Variants in MET observed in about 807,000 individuals in gnomAD.
MET encodes the protein hepatocyte growth factor receptor.
Under a neutral mutation model 133.1 loss-of-function variants are expected in MET, and 48 were observed. The ratio of observed to expected loss-of-function variants is 0.36; its 90% CI spans 0.29 to 0.46. The LOEUF (loss-of-function observed/expected upper bound fraction) is 0.46. Ranked by LOEUF, MET falls within the 20% of genes least tolerant of loss-of-function variation. The pLI is 1.00. For missense variants in MET, 1,442 were observed against 1,695.9 expected (o/e 0.85, Z 2.63); for synonymous variants, 628 against 616.5 (o/e 1.02, Z -0.28).
intron 12 of MET, 101 bp downstream of exon 12, chr7:116,769,892 G>A (rs1180648118): frequency 1.9e-6 from 3 of 1,544,542 alleles, no homozygotes; most frequent in Non-Finnish European, 1.8e-6. Context: ...TTATGTGTGG[G>A]TTTTGGCTCA....
intron 2 of MET, among the ~76,000 whole-genome samples, chr7:116,718,754 G>A (rs1792347818): frequency 6.8e-6 from 1 of 147,960 alleles, no homozygotes; most frequent in South Asian, 2.2e-4. Context: ...TTGGTTTTTT[G>A]TTCTTGCAAT....
At chr7:116,741,194 C>G in intron 5 of MET, 169 bp downstream of exon 5, 2 of 772,522 alleles carry the variant, frequency 2.6e-6, no homozygotes, top group Non-Finnish European at 4.1e-6. Flanking sequence ...AGCACCATCT[C>G]TCTCTTGGCT....
At chr7:116,708,307 A>C in intron 2 of MET, among the ~76,000 whole-genome samples, 1 of 152,192 alleles carries the variant, frequency 6.6e-6, no homozygotes, top group East Asian at 1.9e-4. Flanking sequence ...TTAAAAAAGC[A>C]ATACGTCTTT....
chr7:116,790,640 G>A (rs1430720632), intron 19 of MET, among the ~76,000 whole-genome samples: 1 of 152,110 alleles, frequency 6.6e-6, no homozygotes, highest in African/African-American at 2.4e-5. Flanking sequence ...AGACAGGATT[G>A]CTGGATCATA....
At chr7:116,744,449 T>C (rs1793585584) in intron 5 of MET, among the ~76,000 whole-genome samples, 1 of 152,124 alleles carries the variant, frequency 6.6e-6, no homozygotes, top group Admixed American at 6.5e-5. Context: ...AGAGATTGAA[T>C]ATCAACTTAA....
At chr7:116,723,436 C>T (rs39750) in intron 2 of MET, among the ~76,000 whole-genome samples, 52,537 of 151,408 alleles carry the variant, frequency 0.35, 10,891 homozygotes, top group East Asian at 0.46. Flanking sequence ...AATGTCCTCC[C>T]GTAGCTCAGA....
At chr7:116,775,312 T>G (rs1045066002) in intron 15 of MET, among the ~76,000 whole-genome samples, 4 of 152,198 alleles carry the variant, frequency 2.6e-5, no homozygotes, top group Admixed American at 2.6e-4. Context: ...TGGAAGCAAT[T>G]GGATAATCCC....
In MET at chr7:116,729,393, A is replaced by G. The variant is rs572566741; in HGVS notation, c.1201-2275A>G. Among the ~76,000 whole-genome samples, 8 of 152,344 alleles carry G rather than the reference A, an allele frequency of 5.3e-5. No homozygotes were observed. The East Asian group carries it at 1.5e-3, about 29-fold the overall frequency. On this transcript the variant is annotated intron_variant, in intron 2 of 20. Transcript: ENST00000397752. ...AGCATTTTAGGTGGTTTTTAATCAT[A>G]AAAGTCAGTAGATGTAAAAACTCTG...
At chr7:116,699,000 G>A (rs1797061251) in intron 1 of MET, 71 bp from the exon 2 acceptor site, 1 of 1,601,048 alleles carries the variant, frequency 6.2e-7, no homozygotes, top group Non-Finnish European at 8.5e-7. Context: ...TAGATTAAAT[G>A]GTATAGGTCT....
intron 2 of MET, among the ~76,000 whole-genome samples, chr7:116,713,420 G>A (rs563800150): frequency 5.3e-5 from 8 of 151,512 alleles, no homozygotes; most frequent in African/African-American, 1.9e-4. Flanking sequence ...AGGAAAAGAA[G>A]TTAAGGGCAA....
At chr7:116,678,668 A>G (rs1313241609) in intron 1 of MET, among the ~76,000 whole-genome samples, 1 of 152,216 alleles carries the variant, frequency 6.6e-6, no homozygotes, top group Non-Finnish European at 1.5e-5. Context: ...GTTTGGGTCC[A>G]TAAGACAATT....
intron 19 of MET, among the ~76,000 whole-genome samples, chr7:116,786,236 T>C (rs1038057921): frequency 6.6e-6 from 1 of 152,206 alleles, no homozygotes; most frequent in African/African-American, 2.4e-5. Context: ...AATCCCAGCA[T>C]GAATGCCCAC....
chr7:116,695,056 T>C (rs1387855378), intron 1 of MET, among the ~76,000 whole-genome samples: 1 of 152,212 alleles, frequency 6.6e-6, no homozygotes, highest in Non-Finnish European at 1.5e-5. Flanking sequence ...TGCAAATTGG[T>C]TACAATATTT....
intron 5 of MET, among the ~76,000 whole-genome samples, chr7:116,745,386 A>G (rs1209154203): frequency 6.6e-6 from 1 of 152,226 alleles, no homozygotes; most frequent in Admixed American, 6.5e-5. Context: ...TGCCATCCCC[A>G]TCAAGCTACC....
In MET at chr7:116,763,058, A is replaced by T. The variant is rs760294359; in HGVS notation, c.2373A>T (p.Gln791His). 1 of 1,613,900 alleles carries T rather than the reference A, an allele frequency of 6.2e-7. No individual in the cohort carries two copies. Among genetic ancestry groups the T allele is most frequent in the Non-Finnish European group, 8.5e-7 (1 of 1,179,826 alleles). ...ATTGTGTCTTTCTCTAGGCATGTCAACATCGCTCTAATTCAGAGATAATCT... is the reference window on the plus strand; with the variant it reads ...ATTGTGTCTTTCTCTAGGCATGTCATCATCGCTCTAATTCAGAGATAATCT... ...EAGRNFTVACQHRSNSEIICC... is the reference protein window; with the variant it reads ...EAGRNFTVACHHRSNSEIICC... The change falls in exon 11 of 21, where the codon CAA (glutamine) becomes CAT (histidine). Residue 791 changes from glutamine to histidine, a missense_variant. Coordinates refer to ENST00000397752, the MANE Select transcript of MET (RefSeq NM_000245.4).
intron 19 of MET, among the ~76,000 whole-genome samples, chr7:116,790,535 T>G (rs1795453754): frequency 6.6e-6 from 1 of 152,234 alleles, no homozygotes; most frequent in Admixed American, 6.5e-5. Flanking sequence ...AGGTTTCTTA[T>G]ACCTCTTGGC....
At chr7:116,731,611 T>C (rs1008445015) in intron 2 of MET, 57 bp from the exon 3 acceptor site, 13 of 1,585,450 alleles carry the variant, frequency 8.2e-6, no homozygotes, top group Non-Finnish European at 1.1e-5. Flanking sequence ...GAAAGGTTTC[T>C]TACCAGCTTG....
chr7:116,704,772 A>G (rs529641067), intron 2 of MET, among the ~76,000 whole-genome samples: 1 of 152,236 alleles, frequency 6.6e-6, no homozygotes, highest in South Asian at 2.1e-4. Flanking sequence ...CCTTCCTCTC[A>G]CTTTCAATCC....
intron 1 of MET, among the ~76,000 whole-genome samples, chr7:116,694,218 C>CTAAA (rs1796879512): frequency 6.6e-6 from 1 of 152,032 alleles, no homozygotes; most frequent in Non-Finnish European, 1.5e-5. Flanking sequence ...GGGGAAGGGC[C>CTAAA]TTTATTAATG....
Sources: allele counts gnomAD v4.1 joint callset (sites outside exome capture counted in the v4.1 genomes callset), GRCh38; gene constraint gnomAD v4.1.1; transcripts MANE v1.5; gene names NCBI Gene and HGNC (gene_info 2026-07-23, HGNC 2026-07-21).